CHN2: variants seen among roughly 807,000 people sequenced by gnomAD.
CHN2 encodes beta-chimaerin.
Under a neutral mutation model 56.3 loss-of-function variants are expected in CHN2, and 35 were observed. The ratio of observed to expected loss-of-function variants is 0.62; its 90% CI spans 0.47 to 0.82. CHN2 has a LOEUF of 0.82. CHN2 is among the 40% of genes least tolerant of loss of function. CHN2 has a pLI of 0.00. For synonymous variants in CHN2, 210 were observed against 212.8 expected (o/e 0.99, Z 0.12); for missense variants, 491 against 580.5 (o/e 0.85, Z 1.58).
At chr7:29,348,984 T>C (rs1183034852) in intron 1 of CHN2, among the ~76,000 whole-genome samples, 1 of 152,196 alleles carries the variant, frequency 6.6e-6, no homozygotes, top group East Asian at 1.9e-4. Context: ...GAGATTATAT[T>C]TAATAAATTA....
At chr7:29,511,287 T>C (rs75072892) in intron 12 of CHN2, among the ~76,000 whole-genome samples, 5,139 of 142,446 alleles carry the variant, frequency 0.036, 233 homozygotes, top group East Asian at 0.2. Flanking sequence ...TTCTGATTAA[T>C]TTACTGAATT....
intron 6 of CHN2, among the ~76,000 whole-genome samples, chr7:29,458,452 G>C (rs1784928861): frequency 6.6e-6 from 1 of 151,440 alleles, no homozygotes; most frequent in Non-Finnish European, 1.5e-5. Context: ...GAATTCTAAT[G>C]TTAGCTGCCC....
intron 7 of CHN2, among the ~76,000 whole-genome samples, chr7:29,493,778 G>A (rs1946134): frequency 0.7 from 106,699 of 152,032 alleles, 38,520 homozygotes; most frequent in African/African-American, 0.89. Flanking sequence ...GTTAGGCTCT[G>A]TCATTGTTCA....
intron 1 of CHN2, among the ~76,000 whole-genome samples, chr7:29,292,656 C>T (rs1029883189): frequency 1.3e-5 from 2 of 152,150 alleles, no homozygotes; most frequent in African/African-American, 2.4e-5. Context: ...AAAACTGGAT[C>T]GTTGTCAGTA....
intron 1 of CHN2, among the ~76,000 whole-genome samples, chr7:29,291,411 T>C (rs1792615331): frequency 6.6e-6 from 1 of 152,142 alleles, no homozygotes; most frequent in Non-Finnish European, 1.5e-5. Flanking sequence ...CCTGCCCTGC[T>C]TGTGTCTGCC....
chr7:29,463,392 C>T (rs1332988710), intron 6 of CHN2, among the ~76,000 whole-genome samples: 1 of 152,116 alleles, frequency 6.6e-6, no homozygotes, highest in African/African-American at 2.4e-5. Flanking sequence ...CCTGCAACCA[C>T]ACAAGTATGC....
intron 1 of CHN2, 181 bp downstream of exon 1, chr7:29,195,171 G>C: frequency 3.7e-6 from 2 of 539,900 alleles, no homozygotes; most frequent in South Asian, 6.0e-5. Context: ...GAGCACCTCC[G>C]CGCCTGACAT....
chr7:29,345,580 G>A (rs1347424353), intron 1 of CHN2, among the ~76,000 whole-genome samples: 1 of 152,134 alleles, frequency 6.6e-6, no homozygotes, highest in Non-Finnish European at 1.5e-5. Context: ...GTGGATGAGG[G>A]CTAAAGGGCA....
intron 1 of CHN2, among the ~76,000 whole-genome samples, chr7:29,236,079 A>C (rs1251142221): frequency 6.6e-6 from 1 of 152,214 alleles, no homozygotes; most frequent in Non-Finnish European, 1.5e-5. Flanking sequence ...TACCCTCTGG[A>C]GGTATGGTTT....
intron 6 of CHN2, among the ~76,000 whole-genome samples, chr7:29,432,042 G>A (rs931932473): frequency 2.6e-5 from 4 of 152,150 alleles, no homozygotes; most frequent in Admixed American, 2.0e-4. Context: ...AGGATTTAGG[G>A]GTTTGGGACT....
intron 6 of CHN2, among the ~76,000 whole-genome samples, chr7:29,452,534 G>C (rs186306153): frequency 6.6e-6 from 1 of 152,186 alleles, no homozygotes; most frequent in Non-Finnish European, 1.5e-5. Flanking sequence ...TTGCCTCTGC[G>C]TGCCTCTGTG....
intron 6 of CHN2, among the ~76,000 whole-genome samples, chr7:29,446,460 G>C (rs1397368717): frequency 6.6e-6 from 1 of 152,148 alleles, no homozygotes; most frequent in Non-Finnish European, 1.5e-5. Flanking sequence ...CAACAAAACA[G>C]TGATCCCTGA....
chr7:29,455,210 C>T (rs188435831), intron 6 of CHN2, among the ~76,000 whole-genome samples: 7 of 152,256 alleles, frequency 4.6e-5, no homozygotes, highest in African/African-American at 7.2e-5. Context: ...TATGGGTTGA[C>T]AATATAATAA....
At chr7:29,284,507 G>A (rs955845805) in intron 1 of CHN2, among the ~76,000 whole-genome samples, 2 of 152,340 alleles carry the variant, frequency 1.3e-5, no homozygotes, top group Non-Finnish European at 2.9e-5. Context: ...ACAGCCTATG[G>A]GAAGGGGCCA....
chr7:29,501,500 G>T (rs1309965181), intron 9 of CHN2, among the ~76,000 whole-genome samples: 1 of 152,162 alleles, frequency 6.6e-6, no homozygotes, highest in Non-Finnish European at 1.5e-5. Flanking sequence ...CTCCCATTGT[G>T]ATCCTTACCA....
chr7:29,291,616 A>G (rs931578771), intron 1 of CHN2, among the ~76,000 whole-genome samples: 6 of 152,132 alleles, frequency 3.9e-5, no homozygotes, highest in African/African-American at 1.2e-4. Flanking sequence ...CATGGATGGA[A>G]CTTTCTTTTT....
At chr7:29,435,961 A>G (rs1165990965) in intron 6 of CHN2, among the ~76,000 whole-genome samples, 1 of 146,706 alleles carries the variant, frequency 6.8e-6, no homozygotes, top group African/African-American at 2.5e-5. Context: ...ATTCTAGGAG[A>G]TAATCGGCCC....
At chr7:29,484,863 A>G (rs1246727286) in intron 7 of CHN2, among the ~76,000 whole-genome samples, 1 of 152,138 alleles carries the variant, frequency 6.6e-6, no homozygotes. Context: ...AAAGATTTTT[A>G]TGTCCATGAA....
In CHN2 at chr7:29,513,183, T is replaced by C. The variant is rs929934139; in HGVS notation, c.*448T>C. On this transcript the variant is annotated 3_prime_UTR_variant, in exon 13 of 13. Coordinates refer to ENST00000222792, the MANE Select transcript of CHN2 (RefSeq NM_004067.4). ...TATTTTTATTTTACCCACGAGAATG[T>C]TGTTATTTTTAGCAAATAGAACTCA... 4 of 155,526 alleles carry C rather than the reference T, an allele frequency of 2.6e-5. No individual in the cohort carries two copies. Among genetic ancestry groups the C allele is most frequent in the African/African-American group, 9.7e-5 (4 of 41,392 alleles). 9.6% of individuals were successfully genotyped at this position (155,526 alleles called of 1,614,324 possible).
Sources: allele counts gnomAD v4.1 joint callset (sites outside exome capture counted in the v4.1 genomes callset), GRCh38; gene constraint gnomAD v4.1.1; transcripts MANE v1.5; gene names NCBI Gene and HGNC (gene_info 2026-07-23, HGNC 2026-07-21).